KLHL29: variants seen among roughly 807,000 people sequenced by gnomAD.
KLHL29 encodes the protein kelch-like protein 29.
Under a neutral mutation model 80.4 loss-of-function variants are expected in KLHL29, and 21 were observed. The observed-to-expected ratio is 0.26, with a 90% CI of 0.19 to 0.38. The LOEUF (loss-of-function observed/expected upper bound fraction) is 0.38. Among genes scored for constraint, KLHL29 ranks in the 10% least tolerant of loss-of-function variants. The pLI is 1.00. For synonymous variants in KLHL29, 511 were observed against 526.8 expected (o/e 0.97, Z 0.41); for missense variants, 867 against 1,223.9 (o/e 0.71, Z 4.35).
intron 2 of KLHL29, among the ~76,000 whole-genome samples, chr2:23,543,226 T>C (rs1666893181): frequency 6.6e-6 from 1 of 152,170 alleles, no homozygotes; most frequent in African/African-American, 2.4e-5. Flanking sequence ...ACACACATTC[T>C]GCACATGTCG....
intron 2 of KLHL29, among the ~76,000 whole-genome samples, chr2:23,486,692 G>T (rs983911395): frequency 1.3e-5 from 2 of 152,220 alleles, no homozygotes; most frequent in African/African-American, 4.8e-5. Context: ...CATTTAGAAT[G>T]AGGCTTGATG....
intron 3 of KLHL29, among the ~76,000 whole-genome samples, chr2:23,598,971 G>A (rs1026659548): frequency 2.8e-4 from 42 of 152,356 alleles, no homozygotes; most frequent in African/African-American, 8.9e-4. Context: ...AGCTGCCATC[G>A]CCCAGCCCAG....
Position 23,707,258 on chromosome 2 carries a change from G to A in KLHL29, c.*594G>A, listed in dbSNP as rs932333780. The A allele has an allele frequency of 6.6e-5, 10 of 152,246 alleles. No homozygotes were observed. Among genetic ancestry groups the A allele is most frequent in the African/African-American group, 2.4e-4 (10 of 41,456 alleles). The allele number at this position is 152,246 out of a possible 1,614,324, so 9.4% of individuals were successfully genotyped here. A position where few individuals can be genotyped will look rare whatever the true frequency, so the allele number is the denominator to read the frequency against. On this transcript the variant is annotated 3_prime_UTR_variant, in exon 14 of 14. Coordinates refer to ENST00000486442, the MANE Select transcript of KLHL29 (RefSeq NM_052920.2). ...GGGGTGGCAGCTGTGGGACAGCCGGGGAGCAGGGACAGCGGTCTGTCCTTC... is the reference window on the plus strand; with the variant it reads ...GGGGTGGCAGCTGTGGGACAGCCGGAGAGCAGGGACAGCGGTCTGTCCTTC...
intron 3 of KLHL29, among the ~76,000 whole-genome samples, chr2:23,568,038 T>C (rs1667632331): frequency 6.6e-6 from 1 of 152,180 alleles, no homozygotes; most frequent in Non-Finnish European, 1.5e-5. Context: ...AGTCACAAAG[T>C]GTGTACAAAA....
At chr2:23,432,795 C>T (rs62126852) in intron 1 of KLHL29, among the ~76,000 whole-genome samples, 8,571 of 152,240 alleles carry the variant, frequency 0.056, 297 homozygotes, top group African/African-American at 0.091. Flanking sequence ...CAGAGGGAGT[C>T]GGGGGCAACT....
At chr2:23,454,852 A>G (rs1437652784) in intron 1 of KLHL29, among the ~76,000 whole-genome samples, 1 of 151,580 alleles carries the variant, frequency 6.6e-6, no homozygotes, top group African/African-American at 2.4e-5. Flanking sequence ...ACCAGACACT[A>G]TGCCAGGTGC....
At position 23,664,502 on chromosome 2, in the gene KLHL29, C is replaced by A. The variant is rs377358019; in HGVS notation, c.941-19897C>A. Among the ~76,000 whole-genome samples the A allele has an allele frequency of 2.0e-4, 31 of 152,346 alleles. No homozygotes were observed. The East Asian group carries it at 5.2e-3, about 26-fold the overall frequency. On this transcript the variant is annotated intron_variant, in intron 5 of 13. Coordinates refer to ENST00000486442, the MANE Select transcript of KLHL29 (RefSeq NM_052920.2). ...GCTTTGGACTGGCCTGGGGTCTCAA[C>A]TCTAGATCCTGGGTGACCCTGAGCA...
chr2:23,431,660 A>G (rs1376776510), intron 1 of KLHL29, among the ~76,000 whole-genome samples: 1 of 152,184 alleles, frequency 6.6e-6, no homozygotes, highest in Non-Finnish European at 1.5e-5. Flanking sequence ...TGGGAGGCCT[A>G]GGCGGGTGGA....
chr2:23,703,517 C>T (rs1319615691), intron 12 of KLHL29, 138 bp downstream of exon 12: 8 of 1,070,184 alleles, frequency 7.5e-6, no homozygotes, highest in East Asian at 5.3e-5. Flanking sequence ...CAGGAGTTGC[C>T]GAGCCCCCAG....
intron 1 of KLHL29, among the ~76,000 whole-genome samples, chr2:23,462,206 G>C (rs1343427599): frequency 6.6e-6 from 1 of 152,060 alleles, no homozygotes; most frequent in Admixed American, 6.6e-5. Flanking sequence ...TATGTATGTA[G>C]GCTTTTAAAT....
intron 1 of KLHL29, among the ~76,000 whole-genome samples, chr2:23,466,573 C>G (rs760510029): frequency 9.2e-5 from 14 of 152,116 alleles, no homozygotes; most frequent in Admixed American, 8.5e-4. Context: ...TCTCCCCTAC[C>G]GTGTGTGGGC....
intron 1 of KLHL29, among the ~76,000 whole-genome samples, chr2:23,451,414 A>G (rs979092507): frequency 1.3e-5 from 2 of 152,118 alleles, no homozygotes; most frequent in African/African-American, 2.4e-5. Context: ...TTTCATTCCC[A>G]CAGCAAACAT....
intron 2 of KLHL29, among the ~76,000 whole-genome samples, chr2:23,493,123 C>T (rs767518927): frequency 3.9e-5 from 6 of 152,198 alleles, no homozygotes; most frequent in Non-Finnish European, 7.3e-5. Flanking sequence ...ACAGGAATGA[C>T]GTAAGGTAGA....
rs149913145 is a variant in KLHL29, at chr2:23,631,313, A to C, written c.286-7826A>C. Among the ~76,000 whole-genome samples, 710 of 152,210 alleles carry C rather than the reference A, an allele frequency of 4.7e-3. 5 individuals are homozygous for C. Among genetic ancestry groups the C allele is most frequent in the African/African-American group, 0.016 (678 of 41,580 alleles). On this transcript the variant is annotated intron_variant, in intron 3 of 13. Transcript: ENST00000486442. The stretch of plus-strand genomic sequence containing the variant: ...GATTGGAATCTGAATATATATTTTA[A>C]AGGACAAGATTGAAATTAAAATTTA...
At chr2:23,655,097 G>A (rs976240883) in intron 5 of KLHL29, among the ~76,000 whole-genome samples, 1 of 152,220 alleles carries the variant, frequency 6.6e-6, no homozygotes, top group African/African-American at 2.4e-5. Flanking sequence ...CTGGGTGGAT[G>A]GATGGGTGGG....
intron 5 of KLHL29, among the ~76,000 whole-genome samples, chr2:23,658,899 G>A (rs772321942): frequency 5.3e-5 from 8 of 152,162 alleles, no homozygotes; most frequent in African/African-American, 9.7e-5. Flanking sequence ...GTGACATCCC[G>A]GTTTTCTGGT....
intron 2 of KLHL29, among the ~76,000 whole-genome samples, chr2:23,482,219 C>T (rs1664814816): frequency 6.6e-6 from 1 of 152,170 alleles, no homozygotes; most frequent in Admixed American, 6.5e-5. Context: ...GATGGAGGGG[C>T]GCACAGCCGT....
At chr2:23,594,361 G>T (rs1248918073) in intron 3 of KLHL29, among the ~76,000 whole-genome samples, 3 of 152,094 alleles carry the variant, frequency 2.0e-5, no homozygotes, top group Admixed American at 6.5e-5. Context: ...GCTCCTCCGG[G>T]CTCTGGAATG....
At chr2:23,404,262 A>G (rs1277182477) in intron 1 of KLHL29, among the ~76,000 whole-genome samples, 1 of 97,424 alleles carries the variant, frequency 1.0e-5, no homozygotes, top group African/African-American at 3.3e-5. Context: ...ATTCTGGGCG[A>G]TGACTATTAA....
Sources: allele counts gnomAD v4.1 joint callset (sites outside exome capture counted in the v4.1 genomes callset), GRCh38; gene constraint gnomAD v4.1.1; transcripts MANE v1.5; gene names NCBI Gene and HGNC (gene_info 2026-07-23, HGNC 2026-07-21).